The following ALDH7A1 variants were observed in gnomAD, a reference collection of about 807,000 sequenced individuals.
ALDH7A1 encodes the protein aldehyde dehydrogenase 7 family member A1.
ALDH7A1 carries 63 observed loss-of-function variants against 79.9 expected under a neutral mutation model. The observed-to-expected ratio is 0.79, with a 90% CI of 0.64 to 0.97. The LOEUF (loss-of-function observed/expected upper bound fraction) is 0.97, where lower values mean the gene tolerates loss of function less well. ALDH7A1 is among the 50% of genes least tolerant of loss of function. ALDH7A1 has a pLI of 0.00. For missense variants in ALDH7A1, 627 were observed against 665.2 expected, an observed-to-expected ratio of 0.94 and a Z score of 0.63; for synonymous variants, 240 against 231.2, an observed-to-expected ratio of 1.04 and a Z score of -0.34.
intron 4 of ALDH7A1, 46 bp from the exon 5 acceptor site, chr5:126,583,020 A>C (rs1263034006): frequency 6.2e-7 from 1 of 1,609,942 alleles, no homozygotes; most frequent in African/African-American, 1.3e-5. Context: ...CAGAATTCAC[A>C]TTATAAACAT....
At chr5:126,557,053 G>A (rs1225285591) in intron 11 of ALDH7A1, among the ~76,000 whole-genome samples, 4 of 152,098 alleles carry the variant, frequency 2.6e-5, no homozygotes, top group Non-Finnish European at 5.9e-5. Context: ...TGGCTGAATA[G>A]AGAAATATTT....
At chr5:126,583,028 C>T in intron 4 of ALDH7A1, 54 bp from the exon 5 acceptor site, 1 of 1,606,808 alleles carries the variant, frequency 6.2e-7, no homozygotes, top group Non-Finnish European at 8.5e-7. Context: ...ACATTATAAA[C>T]ATTAAATTAA....
rs778125731 is a variant in ALDH7A1, at chr5:126,552,035, C to G, written c.1303G>C (p.Val435Leu). Residue 435 changes from valine (V) to leucine (L), a missense_variant, in exon 14 of 18, where the codon GTC becomes CTC. Coordinates refer to ENST00000409134, the MANE Select transcript of ALDH7A1 (RefSeq NM_001182.5). The stretch of plus-strand genomic sequence containing the variant: ...TGCATTTTTACCTTGAATTTAAAGA[C>G]ATAGAGAATCGGAGCAAAAGTCTCT... ...HTETFAPILY[V>L]FKFKNEEEVF... is the part of the protein sequence containing the mutation. The G allele has an allele frequency of 6.2e-7, 1 of 1,612,996 alleles. No homozygotes were observed. The highest frequency in any genetic ancestry group is 1.1e-5 in the South Asian group (1 of 91,026).
chr5:126,557,051 TAG>T (rs1398397316), intron 11 of ALDH7A1, among the ~76,000 whole-genome samples: 1 of 152,172 alleles, frequency 6.6e-6, no homozygotes, highest in Non-Finnish European at 1.5e-5. Context: ...ATTGGCTGAA[TAG>T]AGAAATATTT....
intron 3 of ALDH7A1, among the ~76,000 whole-genome samples, chr5:126,590,839 T>G (rs1366249499): frequency 6.7e-6 from 1 of 150,138 alleles, no homozygotes; most frequent in Non-Finnish European, 1.5e-5. Context: ...GAGCCAAGAT[T>G]GGGCCACTGC....
chr5:126,542,148 A>AC lies in ALDH7A1; in HGVS notation c.*2816_*2817insG, dbSNP rs1481571862. The AC allele has an allele frequency of 4.6e-5, 6 of 131,566 alleles. No individual in the cohort carries two copies. In the East Asian group the frequency reaches 1.2e-3, roughly 26 times the overall value. The allele number at this position is 131,566 out of a possible 1,614,324, so 8.1% of individuals were successfully genotyped here. A position where few individuals can be genotyped will look rare whatever the true frequency, so the allele number is the denominator to read the frequency against. Reference sequence around the variant, plus strand: ...CTGCAGGATAAGCTCCAGGTGTAGAAAAAAAAAAAAAAAAAAAAGTTTGTT... The same window carrying AC: ...CTGCAGGATAAGCTCCAGGTGTAGAACAAAAAAAAAAAAAAAAAAGTTTGTT... On this transcript the variant is annotated 3_prime_UTR_variant, in exon 18 of 18. Transcript: ENST00000409134.
chr5:126,582,703 G>A (rs542746376), intron 5 of ALDH7A1, 148 bp downstream of exon 5: 3 of 937,140 alleles, frequency 3.2e-6, no homozygotes, highest in South Asian at 3.2e-5. Flanking sequence ...GTTTTAATTT[G>A]CATTTCTTTG....
rs893869064 is a variant in ALDH7A1 at position 126,589,381 on chromosome 5, T to A, written c.312+3283A>T. Reference sequence around the variant, plus strand: ...CATGTTGGTCAGGCTGGTCTCGAACTCCCAACCTCAGGTGATCCGCCCACT... The same window carrying A: ...CATGTTGGTCAGGCTGGTCTCGAACACCCAACCTCAGGTGATCCGCCCACT... On this transcript the variant is annotated intron_variant, in intron 3 of 17. Transcript: ENST00000409134. Among the ~76,000 whole-genome samples, 3 of 152,118 alleles carry A rather than the reference T, an allele frequency of 2.0e-5. No individual in the cohort carries two copies. In the East Asian group the frequency reaches 5.9e-4, roughly 30 times the overall value.
intron 9 of ALDH7A1, among the ~76,000 whole-genome samples, chr5:126,565,470 T>C (rs897324311): frequency 1.3e-5 from 2 of 151,866 alleles, no homozygotes; most frequent in African/African-American, 2.4e-5. Context: ...TTGTCTTTTA[T>C]ATTCTTACAT....
chr5:126,568,249 C>A lies in ALDH7A1; in HGVS notation c.871+10G>T. The A allele has an allele frequency of 6.2e-7, 1 of 1,613,684 alleles. No homozygotes were observed. Among genetic ancestry groups the A allele is most frequent in the Non-Finnish European group, 8.5e-7 (1 of 1,179,652 alleles). On this transcript the variant is annotated intron_variant, in intron 9 of 17. Transcript: ENST00000409134. ...AGAATTAAAATCCTCATTAGAAAGC[C>A]AACACTTACCAAACCTCTCCTGCAC...
chr5:126,553,099 AACTG>A (rs1750061523), intron 13 of ALDH7A1, among the ~76,000 whole-genome samples: 1 of 152,126 alleles, frequency 6.6e-6, no homozygotes, highest in Non-Finnish European at 1.5e-5. Flanking sequence ...TCCTTGCCTT[AACTG>A]ACTTTTTAAA....
At chr5:126,582,605 G>T (rs1395832966) in intron 5 of ALDH7A1, among the ~76,000 whole-genome samples, 1 of 152,128 alleles carries the variant, frequency 6.6e-6, no homozygotes, top group Admixed American at 6.6e-5. Flanking sequence ...TCGTTTTACA[G>T]ATGAGTTAAA....
chr5:126,556,971 T>C (rs1438687557), intron 11 of ALDH7A1, among the ~76,000 whole-genome samples: 1 of 152,220 alleles, frequency 6.6e-6, no homozygotes, highest in Non-Finnish European at 1.5e-5. Flanking sequence ...TAATATTACC[T>C]ATTAATATTT....
At chr5:126,584,364 T>C (rs1581396378) in intron 3 of ALDH7A1, 2 of 304,816 alleles carry the variant, frequency 6.6e-6, no homozygotes, top group East Asian at 1.7e-4. Context: ...TTACTTTACC[T>C]AAAAGGATGG....
chr5:126,592,641 C>A, intron 3 of ALDH7A1, 23 bp downstream of exon 3: 1 of 1,610,758 alleles, frequency 6.2e-7, no homozygotes, highest in Non-Finnish European at 8.5e-7. Flanking sequence ...TTTCTGAATT[C>A]TAGAAACAAA....
chr5:126,560,630 A>G (rs1191535530), intron 10 of ALDH7A1, among the ~76,000 whole-genome samples: 2 of 152,020 alleles, frequency 1.3e-5, no homozygotes, highest in Non-Finnish European at 2.9e-5. Flanking sequence ...TAGGTAAGTG[A>G]TTTTTTTAAT....
chr5:126,593,271 A>G, intron 2 of ALDH7A1, 80 bp downstream of exon 2: 1 of 1,581,026 alleles, frequency 6.3e-7, no homozygotes, highest in Admixed American at 1.7e-5. Context: ...GCCTCTAAAG[A>G]AAGCCTGCAC....
intron 17 of ALDH7A1, 41 bp downstream of exon 17, chr5:126,546,283 G>A: frequency 6.3e-7 from 1 of 1,581,186 alleles, no homozygotes; most frequent in Non-Finnish European, 8.7e-7. Flanking sequence ...CATTCCCAAG[G>A]GTTTTAAGCC....
chr5:126,559,217 C>A (rs185414225), intron 11 of ALDH7A1, 23 bp downstream of exon 11: 5 of 1,597,182 alleles, frequency 3.1e-6, no homozygotes, highest in East Asian at 4.5e-5. Flanking sequence ...GCAAGACAAT[C>A]GGGCCTATGC....
Sources: gnomAD v4.1 joint callset for allele counts (sites outside exome capture counted in the v4.1 genomes callset) on GRCh38, gnomAD v4.1.1 for gene constraint, MANE v1.5 for transcripts, NCBI Gene and HGNC (gene_info 2026-07-23, HGNC 2026-07-21) for gene names.